PDZRN3: variants seen among roughly 807,000 people sequenced by gnomAD.
PDZRN3 encodes E3 ubiquitin-protein ligase PDZRN3.
Under a neutral mutation model 85.7 loss-of-function variants are expected in PDZRN3, and 38 were observed. The ratio of observed to expected loss-of-function variants is 0.44; its 90% CI spans 0.34 to 0.58. The LOEUF (loss-of-function observed/expected upper bound fraction) is 0.58, where lower values mean the gene tolerates loss of function less well. Ranked by LOEUF, PDZRN3 falls within the 20% of genes least tolerant of loss-of-function variation. The probability of loss-of-function intolerance (pLI) is 0.01; values close to 1 mark genes in which losing one functional copy is unlikely to be tolerated. For missense variants in PDZRN3, 1,629 were observed against 1,506.4 expected, an observed-to-expected ratio of 1.08 and a Z score of -1.35; for synonymous variants, 759 against 638.0, an observed-to-expected ratio of 1.19 and a Z score of -2.86.
chr3:73,497,816 C>T (rs892790527), intron 3 of PDZRN3, among the ~76,000 whole-genome samples: 2 of 151,898 alleles, frequency 1.3e-5, no homozygotes, highest in Non-Finnish European at 2.9e-5. Context: ...TCCCCGCCCC[C>T]GCCAACAGCT....
chr3:73,624,078 G>A (rs1418398068), intron 1 of PDZRN3, 25 bp downstream of exon 1: 1 of 1,419,468 alleles, frequency 7.0e-7, no homozygotes, highest in Non-Finnish European at 9.1e-7. Flanking sequence ...CTGGCTGGAG[G>A]TCGGGGCGGG....
intron 1 of PDZRN3, chr3:73,623,441 G>A (rs148500484): frequency 4.1e-4 from 63 of 152,410 alleles, no homozygotes; most frequent in African/African-American, 1.4e-3. Flanking sequence ...GTGCCTGGCT[G>A]TGTTTTTACT....
At chr3:73,540,494 G>A (rs573884564) in intron 3 of PDZRN3, among the ~76,000 whole-genome samples, 200 of 152,202 alleles carry the variant, frequency 1.3e-3, no homozygotes, top group African/African-American at 3.8e-3. Flanking sequence ...TCATCCCCAC[G>A]TATTGTGGGA....
intron 3 of PDZRN3, among the ~76,000 whole-genome samples, chr3:73,584,480 T>C (rs1396064375): frequency 9.0e-6 from 1 of 111,466 alleles, no homozygotes; most frequent in Non-Finnish European, 2.0e-5. Flanking sequence ...TGTGTGTGTG[T>C]GTGTGTGTGT....
At chr3:73,506,407 T>C (rs1381605368) in intron 3 of PDZRN3, among the ~76,000 whole-genome samples, 7 of 151,946 alleles carry the variant, frequency 4.6e-5, no homozygotes, top group African/African-American at 1.7e-4. Context: ...CTTTTCTACA[T>C]CAATAAGAAA....
At chr3:73,482,773 T>C (rs1333644861) in intron 3 of PDZRN3, among the ~76,000 whole-genome samples, 1 of 152,214 alleles carries the variant, frequency 6.6e-6, no homozygotes. Flanking sequence ...CACCATTACA[T>C]AGTGACACAG....
chr3:73,485,690 T>C (rs1402242003), intron 3 of PDZRN3, among the ~76,000 whole-genome samples: 1 of 152,170 alleles, frequency 6.6e-6, no homozygotes, highest in Non-Finnish European at 1.5e-5. Context: ...TATAAGACGA[T>C]GAAAAATCAT....
At chr3:73,534,311 G>A (rs564880817) in intron 3 of PDZRN3, among the ~76,000 whole-genome samples, 5 of 152,256 alleles carry the variant, frequency 3.3e-5, no homozygotes, top group African/African-American at 9.6e-5. Flanking sequence ...ACCCACTCTT[G>A]TTTATTCTGA....
intron 3 of PDZRN3, among the ~76,000 whole-genome samples, chr3:73,539,264 A>G (rs1260758913): frequency 6.6e-6 from 1 of 152,208 alleles, no homozygotes; most frequent in African/African-American, 2.4e-5. Context: ...AATATTGTTG[A>G]AGGAAGATAG....
intron 3 of PDZRN3, among the ~76,000 whole-genome samples, chr3:73,549,096 T>C (rs1244513984): frequency 6.6e-6 from 1 of 152,206 alleles, no homozygotes; most frequent in South Asian, 2.1e-4. Flanking sequence ...TCACTTTCTG[T>C]TGATAATAAT....
chr3:73,606,753 AATGTTCAT>A (rs1702605422), intron 2 of PDZRN3, among the ~76,000 whole-genome samples: 1 of 152,168 alleles, frequency 6.6e-6, no homozygotes. Flanking sequence ...TAAGACAGAT[AATGTTCAT>A]CATTTTAACA....
Position 73,412,021 on chromosome 3 carries a change from T to C in PDZRN3, c.919-7626A>G, listed in dbSNP as rs149158711. Among the ~76,000 whole-genome samples, 193 of 152,340 alleles carry C rather than the reference T, an allele frequency of 1.3e-3. 1 individual carries two copies. The highest frequency in any genetic ancestry group is 8.3e-3 in the East Asian group (43 of 5,180). ...GAGGGCATCTGCGCATCTGCAGACA[T>C]TTCATTTAAGATGCTGGTGGCTTTC... On this transcript the variant is annotated intron_variant, in intron 3 of 9. Transcript: ENST00000263666.
At chr3:73,546,658 G>C (rs971168876) in intron 3 of PDZRN3, among the ~76,000 whole-genome samples, 3 of 152,172 alleles carry the variant, frequency 2.0e-5, no homozygotes, top group African/African-American at 7.2e-5. Context: ...ACATTTTATA[G>C]TTGCCCTGAA....
At chr3:73,511,288 A>C (rs1257724290) in intron 3 of PDZRN3, among the ~76,000 whole-genome samples, 3 of 152,148 alleles carry the variant, frequency 2.0e-5, no homozygotes, top group Admixed American at 2.0e-4. Flanking sequence ...CCGCCAACCC[A>C]AAAACAGAAA....
At chr3:73,388,222 T>G (rs1051117948) in intron 7 of PDZRN3, 153 bp from the exon 8 acceptor site, 1 of 536,532 alleles carries the variant, frequency 1.9e-6, no homozygotes. Context: ...AATACTGATG[T>G]TAGGAAGGAA....
intron 3 of PDZRN3, among the ~76,000 whole-genome samples, chr3:73,493,611 C>T (rs904797055): frequency 2.0e-5 from 3 of 152,172 alleles, no homozygotes; most frequent in Non-Finnish European, 4.4e-5. Flanking sequence ...CCCTCATCCA[C>T]TCTTGGTAAT....
intron 1 of PDZRN3, among the ~76,000 whole-genome samples, chr3:73,618,676 G>A (rs115641785): frequency 7.8e-4 from 119 of 152,244 alleles, no homozygotes; most frequent in Admixed American, 2.7e-3. Flanking sequence ...TATTTTTATA[G>A]CGAGGCAAGC....
intron 3 of PDZRN3, among the ~76,000 whole-genome samples, chr3:73,428,426 C>G (rs754304608): frequency 1.3e-5 from 2 of 152,218 alleles, no homozygotes; most frequent in Non-Finnish European, 2.9e-5. Context: ...CTAACAAACA[C>G]TACAAAATCC....
At chr3:73,447,746 T>G (rs1438720716) in intron 3 of PDZRN3, among the ~76,000 whole-genome samples, 2 of 152,216 alleles carry the variant, frequency 1.3e-5, no homozygotes, top group African/African-American at 4.8e-5. Context: ...GGAACTGAGA[T>G]GTGGCCCCAG....
Sources: allele counts gnomAD v4.1 joint callset (sites outside exome capture counted in the v4.1 genomes callset), GRCh38; gene constraint gnomAD v4.1.1; transcripts MANE v1.5; gene names NCBI Gene and HGNC (gene_info 2026-07-23, HGNC 2026-07-21).